Variants in KCNJ6 observed in about 807,000 individuals in gnomAD.
KCNJ6 encodes the protein potassium inwardly rectifying channel subfamily J member 6.
KCNJ6 carries 9 observed loss-of-function variants against 34.2 expected under a neutral mutation model. The observed-to-expected ratio is 0.26, with a 90% CI of 0.16 to 0.46. KCNJ6 has a LOEUF of 0.46. KCNJ6 is among the 20% of genes least tolerant of loss of function. KCNJ6 has a pLI of 1.00. For missense variants in KCNJ6, 236 were observed against 531.3 expected (o/e 0.44, Z 5.46); for synonymous variants, 196 against 207.1 (o/e 0.95, Z 0.46).
chr21:37,894,079 A>G (rs1443353533), intron 1 of KCNJ6, among the ~76,000 whole-genome samples: 1 of 152,224 alleles, frequency 6.6e-6, no homozygotes, highest in Admixed American at 6.5e-5. Context: ...TTCTTGCTTA[A>G]CCATTCAACA....
intron 1 of KCNJ6, among the ~76,000 whole-genome samples, chr21:37,860,696 A>G (rs1474090699): frequency 6.6e-6 from 1 of 151,800 alleles, no homozygotes; most frequent in African/African-American, 2.4e-5. Flanking sequence ...CTTGCCAGAA[A>G]AGCTCTCCCA....
intron 3 of KCNJ6, among the ~76,000 whole-genome samples, chr21:37,646,487 C>T (rs1467286994): frequency 1.3e-5 from 2 of 152,118 alleles, no homozygotes; most frequent in East Asian, 3.9e-4. Flanking sequence ...AGCTGAGTAA[C>T]AGCACTGTGT....
At chr21:37,885,640 A>C (rs1019099043) in intron 1 of KCNJ6, among the ~76,000 whole-genome samples, 1 of 152,194 alleles carries the variant, frequency 6.6e-6, no homozygotes, top group Non-Finnish European at 1.5e-5. Flanking sequence ...GGAGGGGAGC[A>C]CAGTCTCCAC....
At chr21:37,804,682 C>A (rs150464382) in intron 2 of KCNJ6, among the ~76,000 whole-genome samples, 1 of 152,286 alleles carries the variant, frequency 6.6e-6, no homozygotes, top group East Asian at 1.9e-4. Flanking sequence ...ATTTGGTTTT[C>A]TGTTCCTGCA....
chr21:37,808,280 G>T (rs2055303601), intron 2 of KCNJ6, among the ~76,000 whole-genome samples: 10 of 152,150 alleles, frequency 6.6e-5, no homozygotes, highest in Admixed American at 5.9e-4. Context: ...TCTCAAATGG[G>T]CTGATTATTT....
chr21:37,866,999 A>G (rs750350661), intron 1 of KCNJ6, among the ~76,000 whole-genome samples: 1 of 152,216 alleles, frequency 6.6e-6, no homozygotes, highest in Non-Finnish European at 1.5e-5. Flanking sequence ...CGCAAACATG[A>G]TTATTGTGTA....
At chr21:37,834,083 ATGTGG>A (rs1033386752) in intron 2 of KCNJ6, among the ~76,000 whole-genome samples, 2 of 152,292 alleles carry the variant, frequency 1.3e-5, no homozygotes, top group African/African-American at 4.8e-5. Context: ...CTCTCAGCTC[ATGTGG>A]TGTGCCAGCT....
chr21:37,759,666 T>C lies in KCNJ6; in HGVS notation c.26-44535A>G, dbSNP rs116569905. ...TTGGTCTTCTCCATAGAACCTTCTC[T>C]TCCTTTCCTGGCATCTATATCATCC... On this transcript the variant is annotated intron_variant, in intron 2 of 3. Transcript: ENST00000609713. 1.1e-3 allele frequency among the ~76,000 whole-genome samples: 162 copies of C among 152,332 alleles called. 1 individual carries two copies. The highest frequency in any genetic ancestry group is 3.8e-3 in the African/African-American group (156 of 41,580).
chr21:37,684,380 C>T (rs955786096), intron 3 of KCNJ6, among the ~76,000 whole-genome samples: 5 of 151,612 alleles, frequency 3.3e-5, no homozygotes, highest in Non-Finnish European at 4.4e-5. Context: ...CCAGCCACAT[C>T]GGACTATGGT....
intron 2 of KCNJ6, among the ~76,000 whole-genome samples, chr21:37,794,014 T>C (rs948356075): frequency 6.6e-6 from 1 of 152,230 alleles, no homozygotes; most frequent in Admixed American, 6.5e-5. Context: ...CAGTAAGAAA[T>C]ATATTTGTTA....
intron 1 of KCNJ6, among the ~76,000 whole-genome samples, chr21:37,900,247 T>C (rs1287925985): frequency 6.6e-6 from 1 of 152,196 alleles, no homozygotes; most frequent in Non-Finnish European, 1.5e-5. Flanking sequence ...GAGATGCTTA[T>C]ACAGCACTGT....
intron 1 of KCNJ6, among the ~76,000 whole-genome samples, chr21:37,868,434 A>G (rs1265785036): frequency 6.6e-6 from 1 of 152,236 alleles, no homozygotes; most frequent in African/African-American, 2.4e-5. Flanking sequence ...TAAATTATAC[A>G]TCTTATCAAG....
chr21:37,642,865 A>G (rs1011876041), intron 3 of KCNJ6, among the ~76,000 whole-genome samples: 1 of 152,236 alleles, frequency 6.6e-6, no homozygotes, highest in African/African-American at 2.4e-5. Flanking sequence ...TGTCTTCATC[A>G]TGAAAGATAA....
intron 2 of KCNJ6, among the ~76,000 whole-genome samples, chr21:37,830,280 C>G (rs894315907): frequency 7.2e-5 from 11 of 152,188 alleles, no homozygotes; most frequent in African/African-American, 2.4e-4. Context: ...GGTGGGAGGC[C>G]GTAGCCTGGA....
intron 1 of KCNJ6, among the ~76,000 whole-genome samples, chr21:37,871,660 G>A (rs142358600): frequency 1.1e-3 from 162 of 152,362 alleles, no homozygotes; most frequent in African/African-American, 3.7e-3. Context: ...CTGAAGAACA[G>A]TGTGCTCTTG....
chr21:37,871,486 C>T (rs922556203), intron 1 of KCNJ6, among the ~76,000 whole-genome samples: 5 of 152,196 alleles, frequency 3.3e-5, no homozygotes, highest in South Asian at 2.1e-4. Flanking sequence ...GAAGAGGGCC[C>T]GATGAGGGCA....
chr21:37,623,357 T>C lies in KCNJ6; in HGVS notation c.*1802A>G, dbSNP rs2054296499. 1 of 152,218 alleles carries C rather than the reference T, an allele frequency of 6.6e-6. No individual in the cohort carries two copies. The highest frequency in any genetic ancestry group is 2.4e-5 in the African/African-American group (1 of 41,442). The allele number at this position is 152,218 out of a possible 1,614,324, so 9.4% of individuals were successfully genotyped here. On this transcript the variant is annotated 3_prime_UTR_variant, in exon 4 of 4. Transcript: ENST00000609713. ...AAACAAAGAGGGACAGCTAGTTTGATCTCTTTGACCTCCATGGTGCAGAGC... is the reference window on the plus strand; with the variant it reads ...AAACAAAGAGGGACAGCTAGTTTGACCTCTTTGACCTCCATGGTGCAGAGC...
chr21:37,726,888 G>A (rs858035), intron 2 of KCNJ6, among the ~76,000 whole-genome samples: 105,745 of 152,114 alleles, frequency 0.7, 36,969 homozygotes, highest in African/African-American at 0.75. Flanking sequence ...TCCAAAGTTC[G>A]TATCTACCCC....
At chr21:37,724,320 TA>T (rs59383968) in intron 2 of KCNJ6, among the ~76,000 whole-genome samples, 27 of 147,682 alleles carry the variant, frequency 1.8e-4, no homozygotes, top group Admixed American at 2.7e-4. Flanking sequence ...TGTTGCATAT[TA>T]AAAAAAAAAA....
Sources: gnomAD v4.1 joint callset for allele counts (sites outside exome capture counted in the v4.1 genomes callset) on GRCh38, gnomAD v4.1.1 for gene constraint, MANE v1.5 for transcripts, NCBI Gene and HGNC (gene_info 2026-07-23, HGNC 2026-07-21) for gene names.